The following ZNF470 variants were observed in gnomAD, a reference collection of about 807,000 sequenced individuals.
ZNF470 encodes the protein chondrogenesis zinc finger protein 1.
ZNF470 carries 13 observed loss-of-function variants against 13.9 expected under a neutral mutation model. The observed-to-expected ratio is 0.94, with a 90% CI of 0.61 to 1.49. The LOEUF is 1.49. ZNF470 is among the 40% of genes most tolerant of loss of function. The pLI, the probability that ZNF470 is intolerant of heterozygous loss-of-function variation, is 0.00. For missense variants in ZNF470, 929 were observed against 857.3 expected (o/e 1.08, Z -1.04); for synonymous variants, 293 against 282.9 (o/e 1.04, Z -0.36).
At position 56,567,687 on chromosome 19, in the gene ZNF470, C is replaced by G. The variant is rs778182653; in HGVS notation, c.-510C>G. 2 of 987,288 alleles carry G rather than the reference C, an allele frequency of 2.0e-6. No individual in the cohort carries two copies. The highest frequency in any genetic ancestry group is 2.4e-6 in the Non-Finnish European group (2 of 831,398). The allele number at this position is 987,288 out of a possible 1,614,324, so 61.2% of individuals were successfully genotyped here. A position where few individuals can be genotyped will look rare whatever the true frequency, so the allele number is the denominator to read the frequency against. On this transcript the variant is annotated 5_prime_UTR_variant, in exon 1 of 6. Coordinates refer to ENST00000330619, the MANE Select transcript of ZNF470 (RefSeq NM_001001668.4). Reference sequence around the variant, plus strand: ...CGGTGCTGTGCTGAGGAGGGGCGAGCGCGCGCGGGGATGGCGGCCCGGTGT... The same window carrying G: ...CGGTGCTGTGCTGAGGAGGGGCGAGGGCGCGCGGGGATGGCGGCCCGGTGT...
At position 56,579,502 on chromosome 19, in the gene ZNF470, C is replaced by A. The variant is rs948264615; in HGVS notation, c.*919C>A. On this transcript the variant is annotated 3_prime_UTR_variant, in exon 6 of 6. Coordinates refer to ENST00000330619, the MANE Select transcript of ZNF470 (RefSeq NM_001001668.4). ...TAGTAGTAAACCAAAAGTAACAAGC[C>A]AAAAAAACTTGAATAGATTAATAGC... The A allele has an allele frequency of 4.5e-5, 44 of 985,108 alleles. No individual in the cohort carries two copies. The Admixed American group carries it at 4.9e-4, about 11-fold the overall frequency. 61.0% of individuals were successfully genotyped at this position (985,108 alleles called of 1,614,324 possible).
intron 3 of ZNF470, among the ~76,000 whole-genome samples, chr19:56,572,991 C>G (rs2044465890): frequency 6.6e-6 from 1 of 152,142 alleles, no homozygotes; most frequent in South Asian, 2.1e-4. Flanking sequence ...ATAGACTGTT[C>G]TCTTGAGTTT....
At chr19:56,573,961 G>A (rs915495970) in intron 3 of ZNF470, 2 of 984,814 alleles carry the variant, frequency 2.0e-6, no homozygotes, top group South Asian at 4.7e-5. Context: ...AAAATATTGT[G>A]GAGATTGAAA....
At chr19:56,572,545 A>C (rs1568494011) in intron 3 of ZNF470, among the ~76,000 whole-genome samples, 1 of 143,884 alleles carries the variant, frequency 7.0e-6, no homozygotes, top group African/African-American at 2.6e-5. Context: ...CTGTCTCAAA[A>C]AAAAAAAAAA....
chr19:56,574,548 C>G (rs1250433102), intron 4 of ZNF470, 28 bp downstream of exon 4: 1 of 1,612,654 alleles, frequency 6.2e-7, no homozygotes, highest in African/African-American at 1.3e-5. Flanking sequence ...CTGTTGCCTC[C>G]CCATGACTCA....
At position 56,578,415 on chromosome 19, in the gene ZNF470, C is replaced by G. The variant is rs779106286; in HGVS notation, c.1986C>G (p.Ala662=). ...GTAGCAAAGCCTTCAGCCAGGTTGC[C>G]CATCTTACTCTACATAAGAGAATTC... is the stretch of plus-strand genomic sequence containing the variant. ...KECSKAFSQV[A]HLTLHKRIHT... is the part of the protein sequence containing the mutation. Residue 662 remains alanine, a synonymous_variant, in exon 6 of 6, where the codon GCC becomes GCG. Transcript: ENST00000330619. 1.9e-6 allele frequency: 3 copies of G among 1,609,986 alleles called. No homozygotes were observed. Among genetic ancestry groups the G allele is most frequent in the Admixed American group, 1.7e-5 (1 of 59,520 alleles).
In ZNF470 at chr19:56,579,010, G is replaced by A; in HGVS notation, c.*427G>A. 1 of 988,550 alleles carries A rather than the reference G, an allele frequency of 1.0e-6. No homozygotes were observed. The highest frequency in any genetic ancestry group is 1.2e-6 in the Non-Finnish European group (1 of 832,216). 61.2% of individuals were successfully genotyped at this position (988,550 alleles called of 1,614,324 possible). A position where few individuals can be genotyped will look rare whatever the true frequency, so the allele number is the denominator to read the frequency against. On this transcript the variant is annotated 3_prime_UTR_variant, in exon 6 of 6. Transcript: ENST00000330619. ...TAGAGAGGAAAGATGAACAAACTCA[G>A]AATTGAAAGATTTATGGTACACAAG...
chr19:56,569,314 A>AT (rs1193390786), intron 2 of ZNF470, among the ~76,000 whole-genome samples: 2 of 152,016 alleles, frequency 1.3e-5, no homozygotes, highest in African/African-American at 4.8e-5. Flanking sequence ...CCTCATGAGG[A>AT]TTTTTTCATT....
rs76690600 is a variant in ZNF470 at position 56,574,612 on chromosome 19, A to G, written c.188-26A>G. The G allele has an allele frequency of 1.4e-4, 229 of 1,612,296 alleles. No individual in the cohort carries two copies. The African/African-American group carries it at 2.4e-3, about 17-fold the overall frequency. ...CCCATAGTTTTCCACAGCATAGGCA[A>G]TTTTTATATGTCTTTTTACATGCAG... On this transcript the variant is annotated intron_variant, in intron 4 of 5. Transcript: ENST00000330619.
At position 56,577,431 on chromosome 19, in the gene ZNF470, C is replaced by G; in HGVS notation, c.1002C>G (p.His334Gln). The G allele has an allele frequency of 6.2e-7, 1 of 1,613,866 alleles. No individual in the cohort carries two copies. Among genetic ancestry groups the G allele is most frequent in the Non-Finnish European group, 8.5e-7 (1 of 1,179,960 alleles). Residue 334 changes from histidine (H) to glutamine (Q), a missense_variant, in exon 6 of 6, where the codon CAC (histidine) becomes CAG (glutamine). Physicochemically the swap from His to Gln is conservative, Grantham distance 24. Coordinates refer to ENST00000330619, the MANE Select transcript of ZNF470 (RefSeq NM_001001668.4). ...ACCTTGCTCAACATCAGAGGGTCCA[C>G]ACTGGAGAGAAACCCTATGAATGTA... Reference protein sequence around the residue: ...LAHLAQHQRVHTGEKPYECIE... With the variant: ...LAHLAQHQRVQTGEKPYECIE...
Position 56,577,442 on chromosome 19 carries a change from A to G in ZNF470, c.1013A>G (p.Lys338Arg), listed in dbSNP as rs1420745040. Residue 338 changes from lysine (K) to arginine (R), a missense_variant, in exon 6 of 6, where the codon AAA becomes AGA. Coordinates refer to ENST00000330619, the MANE Select transcript of ZNF470 (RefSeq NM_001001668.4). ...CATCAGAGGGTCCACACTGGAGAGA[A>G]ACCCTATGAATGTATTGAATGTGGG... is the stretch of plus-strand genomic sequence containing the variant. Reference protein sequence around the residue: ...AQHQRVHTGEKPYECIECGKA... With the variant: ...AQHQRVHTGERPYECIECGKA... 1 of 1,614,116 alleles carries G rather than the reference A, an allele frequency of 6.2e-7. No individual in the cohort carries two copies. Among genetic ancestry groups the G allele is most frequent in the Admixed American group, 1.7e-5 (1 of 59,976 alleles).
At chr19:56,576,370 G>A (rs1422553840) in intron 5 of ZNF470, among the ~76,000 whole-genome samples, 1 of 152,096 alleles carries the variant, frequency 6.6e-6, no homozygotes, top group Admixed American at 6.5e-5. Context: ...CTGGGATAGA[G>A]AATAAAAAGA....
In ZNF470 at chr19:56,578,773, A is replaced by G. The variant is rs1202666416; in HGVS notation, c.*190A>G. ...TTTTAAAAATAAAAATACATAATTTATGTTATTTTCCCATTTAAAACACTT... is the reference window on the plus strand; with the variant it reads ...TTTTAAAAATAAAAATACATAATTTGTGTTATTTTCCCATTTAAAACACTT... On this transcript the variant is annotated 3_prime_UTR_variant, in exon 6 of 6. Transcript: ENST00000330619. 1.6e-6 allele frequency: 2 copies of G among 1,244,242 alleles called. No individual in the cohort carries two copies. The highest frequency in any genetic ancestry group is 5.9e-5 in the East Asian group (2 of 33,678). 77.1% of individuals were successfully genotyped at this position (1,244,242 alleles called of 1,614,324 possible).
intron 3 of ZNF470, among the ~76,000 whole-genome samples, chr19:56,572,670 A>G (rs1404592496): frequency 7.9e-6 from 1 of 126,034 alleles, no homozygotes; most frequent in Non-Finnish European, 1.6e-5. Context: ...GTGGACAGAA[A>G]GAGCTGCAGG....
chr19:56,577,041 A>T lies in ZNF470; in HGVS notation c.612A>T (p.Thr204=). Residue 204 remains threonine, a synonymous_variant, in exon 6 of 6, where the codon ACA becomes ACT. Coordinates refer to ENST00000330619, the MANE Select transcript of ZNF470 (RefSeq NM_001001668.4). ...AAGAGAGAATATTTAATTTTCATAC[A>T]GATAAGAAAAGCTTAAAAACACATT... ...PMEERIFNFH[T]DKKSLKTHSV... 1 of 1,581,452 alleles carries T rather than the reference A, an allele frequency of 6.3e-7. No individual in the cohort carries two copies. Among genetic ancestry groups the T allele is most frequent in the Non-Finnish European group, 8.6e-7 (1 of 1,169,234 alleles).
rs2044533875 is a variant in ZNF470, at chr19:56,581,321, C to T, written c.*2738C>T. 8.5e-6 allele frequency: 7 copies of T among 824,310 alleles called. No homozygotes were observed. The highest frequency in any genetic ancestry group is 1.0e-5 in the Non-Finnish European group (7 of 683,324). 51.1% of individuals were successfully genotyped at this position (824,310 alleles called of 1,614,324 possible). A position where few individuals can be genotyped will look rare whatever the true frequency, so the allele number is the denominator to read the frequency against. ...CTTTTTCCCCAAAAGACTGACTAAT[C>T]GAGTGATAACATTCAGTATTGGTGA... On this transcript the variant is annotated 3_prime_UTR_variant, in exon 6 of 6. Coordinates refer to ENST00000330619, the MANE Select transcript of ZNF470 (RefSeq NM_001001668.4).
chr19:56,577,093 C>A lies in ZNF470; in HGVS notation c.664C>A (p.Arg222Ser), dbSNP rs777417801. 45 of 1,606,476 alleles carry A rather than the reference C, an allele frequency of 2.8e-5. No individual in the cohort carries two copies. The African/African-American group carries it at 5.1e-4, about 18-fold the overall frequency. The change falls in exon 6 of 6, where the codon CGT becomes AGT. Residue 222 changes from arginine to serine, a missense_variant. Coordinates refer to ENST00000330619, the MANE Select transcript of ZNF470 (RefSeq NM_001001668.4). ...HSVVKKHKQD[R>S]GEKKLLKCND... ...AGTTGTGAAAAAACACAAGCAAGAC[C>A]GTGGAGAAAAGAAACTTTTAAAATG...
Position 56,581,092 on chromosome 19 carries a change from TGAGAGACTGACACA to T in ZNF470, c.*2510_*2523del. 1.0e-6 allele frequency: 1 copy of T among 979,652 alleles called. No individual in the cohort carries two copies. The highest frequency in any genetic ancestry group is 1.2e-6 in the Non-Finnish European group (1 of 824,768). The allele number at this position is 979,652 out of a possible 1,614,324, so 60.7% of individuals were successfully genotyped here. A position where few individuals can be genotyped will look rare whatever the true frequency, so the allele number is the denominator to read the frequency against. Reference sequence around the variant, plus strand: ...GAAAACATCATAGTCAATAGATAAATGAGAGACTGACACAAAGTGTTTGCAACAGATATAATAAA... The same window carrying T: ...GAAAACATCATAGTCAATAGATAAATAAGTGTTTGCAACAGATATAATAAA... On this transcript the variant is annotated 3_prime_UTR_variant, in exon 6 of 6. Coordinates refer to ENST00000330619, the MANE Select transcript of ZNF470 (RefSeq NM_001001668.4).
rs1261053456 is a variant in ZNF470 at position 56,576,939 on chromosome 19, A to G, written c.510A>G (p.Lys170=). Residue 170 remains lysine, a synonymous_variant, in exon 6 of 6, where the codon AAA becomes AAG. Coordinates refer to ENST00000330619, the MANE Select transcript of ZNF470 (RefSeq NM_001001668.4). ...TITHIDTLIE[K]RDHSNKSGTV... ...CTCATATAGATACTCTTATTGAAAA[A>G]AGAGATCACTCTAACAAATCTGGGA... The G allele has an allele frequency of 6.3e-7, 1 of 1,581,070 alleles. No homozygotes were observed. The highest frequency in any genetic ancestry group is 1.2e-5 in the South Asian group (1 of 85,498).
Sources: gnomAD v4.1 joint callset for allele counts (sites outside exome capture counted in the v4.1 genomes callset) on GRCh38, gnomAD v4.1.1 for gene constraint, MANE v1.5 for transcripts, NCBI Gene and HGNC (gene_info 2026-07-23, HGNC 2026-07-21) for gene names.